Variants in KYAT3 observed in about 807,000 individuals in gnomAD.
The protein encoded by KYAT3 is kynurenine--oxoglutarate transaminase 3.
Under a neutral mutation model 59.0 loss-of-function variants are expected in KYAT3, and 50 were observed. The observed-to-expected ratio is 0.85, with a 90% CI of 0.68 to 1.07. The LOEUF (loss-of-function observed/expected upper bound fraction) is 1.07. Ranked by LOEUF, KYAT3 falls within the 50% of genes least tolerant of loss-of-function variation. The probability of loss-of-function intolerance (pLI) is 0.00; values close to 1 mark genes in which losing one functional copy is unlikely to be tolerated. For synonymous variants in KYAT3, 148 were observed against 177.0 expected (o/e 0.84, Z 1.30); for missense variants, 497 against 533.3 (o/e 0.93, Z 0.67).
At chr1:88,931,093 G>T (rs749721312), downstream of KYAT3, among the ~76,000 whole-genome samples, 4 of 152,082 alleles carry the variant, frequency 2.6e-5, no homozygotes, top group Admixed American at 6.6e-5. Flanking sequence ...ACTTTTGCCT[G>T]CAGCTAACCA....
intron 11 of KYAT3, among the ~76,000 whole-genome samples, chr1:88,944,764 T>A (rs1221459974): frequency 6.6e-6 from 1 of 151,964 alleles, no homozygotes; most frequent in African/African-American, 2.4e-5. Flanking sequence ...CCTAAGGGAG[T>A]AGAAGAGGAT....
intron 2 of KYAT3, chr1:88,980,058 A>G (rs1380904261): frequency 6.6e-6 from 1 of 152,214 alleles, no homozygotes; most frequent in Non-Finnish European, 1.5e-5. Context: ...AGAAACCATA[A>G]ACAAAAAAGT....
intron 2 of KYAT3, chr1:88,982,721 C>T: frequency 6.2e-7 from 1 of 1,613,940 alleles, no homozygotes. Flanking sequence ...TCTTGGTGCT[C>T]CGCGGCTTGA....
chr1:88,946,519 GA>G (rs1349772963), intron 11 of KYAT3, among the ~76,000 whole-genome samples: 1 of 152,034 alleles, frequency 6.6e-6, no homozygotes, highest in African/African-American at 2.4e-5. Context: ...TTACTGCATA[GA>G]AAACTTTTAA....
At chr1:88,928,351 T>C in the KYAT3 span, among the ~76,000 whole-genome samples, 2 of 151,344 alleles carry the variant, frequency 1.3e-5, no homozygotes, top group South Asian at 2.1e-4. Context: ...TTTTTTATAA[T>C]AGAGATCAGG....
chr1:88,986,101 A>G (rs1677432844), intron 2 of KYAT3, among the ~76,000 whole-genome samples: 1 of 151,758 alleles, frequency 6.6e-6, no homozygotes, highest in African/African-American at 2.4e-5. Context: ...GAATTGCTTG[A>G]ACCCGAGAGG....
intron 2 of KYAT3, among the ~76,000 whole-genome samples, chr1:88,974,787 G>A (rs1217597586): frequency 2.6e-5 from 4 of 152,006 alleles, no homozygotes; most frequent in Non-Finnish European, 4.4e-5. Flanking sequence ...GATTGTAAAC[G>A]CACCAAATCA....
At chr1:88,953,035 T>C in intron 10 of KYAT3, 28 bp downstream of exon 10, 2 of 1,368,068 alleles carry the variant, frequency 1.5e-6, no homozygotes, top group Non-Finnish European at 2.1e-6. Flanking sequence ...AAGACAATGC[T>C]TCTACCCTGA....
At chr1:88,943,530 G>C (rs1675323468) in intron 11 of KYAT3, 107 bp from the exon 12 acceptor site, 1 of 679,168 alleles carries the variant, frequency 1.5e-6, no homozygotes, top group Non-Finnish European at 2.6e-6. Context: ...AAATTAGCTT[G>C]GTTTAGAATT....
chr1:88,955,720 C>T (rs887740334), intron 8 of KYAT3, among the ~76,000 whole-genome samples: 1 of 152,184 alleles, frequency 6.6e-6, no homozygotes, highest in African/African-American at 2.4e-5. Flanking sequence ...CTCACACTAG[C>T]AATATCAGCA....
At chr1:88,984,623 G>GA (rs2101089538) in intron 2 of KYAT3, among the ~76,000 whole-genome samples, 1 of 152,322 alleles carries the variant, frequency 6.6e-6, no homozygotes, top group South Asian at 2.1e-4. Context: ...TCTGCTGAGT[G>GA]AAAGGGAAGC....
chr1:88,934,458 CA>C (rs1674973026), downstream of KYAT3, among the ~76,000 whole-genome samples: 1 of 151,774 alleles, frequency 6.6e-6, no homozygotes. Context: ...CATCTCAAAA[CA>C]AAACATAAAT....
At chr1:88,974,449 A>G (rs1288601107) in intron 2 of KYAT3, among the ~76,000 whole-genome samples, 1 of 145,706 alleles carries the variant, frequency 6.9e-6, no homozygotes, top group Non-Finnish European at 1.5e-5. Context: ...TTGTCTTGCA[A>G]TGCATTTTGG....
intron 2 of KYAT3, chr1:88,982,691 C>CT (rs1452814299): frequency 6.2e-7 from 1 of 1,613,514 alleles, no homozygotes; most frequent in African/African-American, 1.3e-5. Context: ...ATCAGATCGG[C>CT]TTCCTCCAGG....
chr1:88,962,225 G>A lies in KYAT3; in HGVS notation c.454-80C>T, dbSNP rs935821389. 7 of 1,057,014 alleles carry A rather than the reference G, an allele frequency of 6.6e-6. No homozygotes were observed. In the African/African-American group the frequency reaches 1.1e-4, roughly 17 times the overall value. The allele number at this position is 1,057,014 out of a possible 1,614,324, so 65.5% of individuals were successfully genotyped here. Reference sequence around the variant, plus strand: ...ATACTGTGTACCTACTATGGGCTAGGCACTGTACTATGTGTTGGGATACAG... The same window carrying A: ...ATACTGTGTACCTACTATGGGCTAGACACTGTACTATGTGTTGGGATACAG... On this transcript the variant is annotated intron_variant, in intron 5 of 13. Transcript: ENST00000260508.
intron 1 of KYAT3, among the ~76,000 whole-genome samples, chr1:88,989,970 A>G (rs1202926846): frequency 6.6e-6 from 1 of 152,176 alleles, no homozygotes; most frequent in Non-Finnish European, 1.5e-5. Context: ...CATTTCTACT[A>G]TATTTTGTAG....
At chr1:88,983,117 G>A in intron 2 of KYAT3, 2 of 1,612,362 alleles carry the variant, frequency 1.2e-6, no homozygotes, top group African/African-American at 1.3e-5. Flanking sequence ...ATCTCGTGGT[G>A]GTGGTGCATA....
At chr1:88,961,133 A>G in intron 8 of KYAT3, 34 bp downstream of exon 8, 2 of 1,610,656 alleles carry the variant, frequency 1.2e-6, no homozygotes, top group Non-Finnish European at 1.7e-6. Context: ...GCCCAAACAC[A>G]TTTAGATATG....
At chr1:88,945,373 C>G (rs1422168852) in intron 11 of KYAT3, among the ~76,000 whole-genome samples, 1 of 152,158 alleles carries the variant, frequency 6.6e-6, no homozygotes, top group Non-Finnish European at 1.5e-5. Context: ...TGCATTCTTA[C>G]TATCTCCTCC....
Sources: allele counts gnomAD v4.1 joint callset (sites outside exome capture counted in the v4.1 genomes callset), GRCh38; gene constraint gnomAD v4.1.1; transcripts MANE v1.5; gene names NCBI Gene and HGNC (gene_info 2026-07-23, HGNC 2026-07-21).